Variants in MED13L observed in about 807,000 individuals in gnomAD.
The protein encoded by MED13L is mediator complex subunit 13L, also known as mediator of RNA polymerase II transcription subunit 13-like.
In MED13L, 7 loss-of-function variants were observed where a neutral mutation model predicts 220.9. That is an observed-to-expected ratio of 0.03 (90% confidence interval 0.02 to 0.06). The LOEUF (loss-of-function observed/expected upper bound fraction) is 0.06, where lower values mean the gene tolerates loss of function less well. MED13L is among the 10% of genes least tolerant of loss of function. The pLI is 1.00. For synonymous variants in MED13L, 1,011 were observed against 1,015.2 expected (o/e 1.00, Z 0.08); for missense variants, 1,965 against 2,760.5 (o/e 0.71, Z 6.46).
At chr12:116,062,892 T>C (rs1593001033) in intron 4 of MED13L, among the ~76,000 whole-genome samples, 1 of 152,198 alleles carries the variant, frequency 6.6e-6, no homozygotes, top group Non-Finnish European at 1.5e-5. Flanking sequence ...GCTTTCTCTA[T>C]GCCAATCAAA....
At chr12:116,126,377 G>A (rs745730831) in intron 2 of MED13L, among the ~76,000 whole-genome samples, 21 of 152,180 alleles carry the variant, frequency 1.4e-4, no homozygotes, top group African/African-American at 4.3e-4. Flanking sequence ...GCACAGTCTG[G>A]AGTAGGGCAG....
chr12:116,137,136 C>T (rs1876628010), intron 2 of MED13L, among the ~76,000 whole-genome samples: 2 of 152,140 alleles, frequency 1.3e-5, no homozygotes, highest in African/African-American at 4.8e-5. Flanking sequence ...CATCTCTAAA[C>T]TACCAGATAT....
At chr12:116,276,891 C>G (rs1337551245) in intron 1 of MED13L, 169 bp downstream of exon 1, 1 of 973,550 alleles carries the variant, frequency 1.0e-6, no homozygotes, top group Non-Finnish European at 1.6e-6. Flanking sequence ...GGATCCAAGG[C>G]GAGAGAGAGA....
chr12:116,086,551 G>A (rs1435780015), intron 4 of MED13L, among the ~76,000 whole-genome samples: 1 of 152,076 alleles, frequency 6.6e-6, no homozygotes, highest in East Asian at 1.9e-4. Context: ...CAAAGTGCTA[G>A]GATTACAGGC....
At chr12:116,145,461 T>C (rs1453924698) in intron 2 of MED13L, among the ~76,000 whole-genome samples, 1 of 152,112 alleles carries the variant, frequency 6.6e-6, no homozygotes, top group Admixed American at 6.6e-5. Context: ...TTAAAATAAA[T>C]GGCATACAGT....
At chr12:116,164,071 CA>C (rs1565907613) in intron 2 of MED13L, among the ~76,000 whole-genome samples, 1 of 152,148 alleles carries the variant, frequency 6.6e-6, no homozygotes, top group East Asian at 1.9e-4. Flanking sequence ...GAAATTTTCA[CA>C]TACTTAAAAA....
chr12:116,252,952 C>T (rs1038806829), intron 1 of MED13L, among the ~76,000 whole-genome samples: 4 of 152,080 alleles, frequency 2.6e-5, no homozygotes, highest in Non-Finnish European at 5.9e-5. Context: ...AAAATCTGAA[C>T]AACTCTATAT....
intron 2 of MED13L, among the ~76,000 whole-genome samples, chr12:116,149,552 T>G (rs1253815957): frequency 6.6e-6 from 1 of 152,252 alleles, no homozygotes; most frequent in African/African-American, 2.4e-5. Flanking sequence ...AAATGATTAC[T>G]AACAAGCAAG....
chr12:116,110,199 T>C lies in MED13L; in HGVS notation c.395+1229A>G, dbSNP rs142047621. 1.8e-4 allele frequency: 27 copies of C among 152,250 alleles called. No individual in the cohort carries two copies. The East Asian group carries it at 5.2e-3, about 29-fold the overall frequency. The allele number at this position is 152,250 out of a possible 1,614,324, so 9.4% of individuals were successfully genotyped here. On this transcript the variant is annotated intron_variant, in intron 3 of 30. Coordinates refer to ENST00000281928, the MANE Select transcript of MED13L (RefSeq NM_015335.5). Reference sequence around the variant, plus strand: ...AGAAAGTAAGGGGATGCTCCAACGATGGGATCATGTCAAAAGGACATAGGA... The same window carrying C: ...AGAAAGTAAGGGGATGCTCCAACGACGGGATCATGTCAAAAGGACATAGGA...
chr12:116,179,401 A>G (rs1880334566), intron 2 of MED13L, among the ~76,000 whole-genome samples: 1 of 152,108 alleles, frequency 6.6e-6, no homozygotes, highest in Admixed American at 6.6e-5. Flanking sequence ...CTTAAGCTCA[A>G]TAGTTTGAGA....
At chr12:116,098,234 G>A (rs565718832) in intron 3 of MED13L, among the ~76,000 whole-genome samples, 26 of 151,552 alleles carry the variant, frequency 1.7e-4, no homozygotes, top group South Asian at 1.2e-3. Context: ...CAACAAGAGC[G>A]AAACTCCATC....
chr12:115,961,459 A>T (rs1875749607), intron 30 of MED13L, 61 bp from the exon 31 acceptor site: 1 of 1,594,108 alleles, frequency 6.3e-7, no homozygotes, highest in South Asian at 1.1e-5. Flanking sequence ...TGGTTCTCAG[A>T]TTCTAATACA....
chr12:116,137,307 A>C (rs1158433635), intron 2 of MED13L, among the ~76,000 whole-genome samples: 1 of 152,214 alleles, frequency 6.6e-6, no homozygotes, highest in Non-Finnish European at 1.5e-5. Flanking sequence ...ACTCAGTGAT[A>C]ATTTGTGTTC....
chr12:116,002,570 T>C (rs1434935248), intron 14 of MED13L, among the ~76,000 whole-genome samples: 5 of 152,220 alleles, frequency 3.3e-5, no homozygotes, highest in Non-Finnish European at 5.9e-5. Flanking sequence ...AACTTTAGTA[T>C]GCATCTTGAA....
At chr12:116,041,541 G>A (rs2137544083) in intron 4 of MED13L, among the ~76,000 whole-genome samples, 1 of 152,272 alleles carries the variant, frequency 6.6e-6, no homozygotes, top group African/African-American at 2.4e-5. Flanking sequence ...AAAGAATTTT[G>A]TATAAAGTAA....
chr12:116,016,952 C>A (rs1361704937), intron 7 of MED13L, among the ~76,000 whole-genome samples: 1 of 152,146 alleles, frequency 6.6e-6, no homozygotes, highest in African/African-American at 2.4e-5. Context: ...TGTCCTATAT[C>A]TAGAAAAATA....
intron 2 of MED13L, among the ~76,000 whole-genome samples, chr12:116,124,904 GA>G (rs1425174222): frequency 6.6e-5 from 10 of 151,908 alleles, no homozygotes; most frequent in South Asian, 2.1e-4. Context: ...TAGTTGACAG[GA>G]AAAAAATATT....
At chr12:116,257,822 T>C (rs1872183343) in intron 1 of MED13L, among the ~76,000 whole-genome samples, 1 of 152,182 alleles carries the variant, frequency 6.6e-6, no homozygotes, top group Non-Finnish European at 1.5e-5. Flanking sequence ...CAGTCATCAA[T>C]CAAAACAATA....
At chr12:116,177,939 T>A (rs544186812) in intron 2 of MED13L, among the ~76,000 whole-genome samples, 2 of 152,256 alleles carry the variant, frequency 1.3e-5, no homozygotes, top group South Asian at 4.1e-4. Flanking sequence ...CACTGCAGCC[T>A]CAATCTCCCG....
Sources: allele counts gnomAD v4.1 joint callset (sites outside exome capture counted in the v4.1 genomes callset), GRCh38; gene constraint gnomAD v4.1.1; transcripts MANE v1.5; gene names NCBI Gene and HGNC (gene_info 2026-07-23, HGNC 2026-07-21).